The following RAB3GAP2 variants were observed in gnomAD, a reference collection of about 807,000 sequenced individuals.
RAB3GAP2 encodes the protein RAB3 GTPase activating non-catalytic protein subunit 2.
A neutral mutation model predicts 185.3 loss-of-function variants in RAB3GAP2; 87 were observed. The observed-to-expected ratio is 0.47, with a 90% confidence interval of 0.39 to 0.56. The LOEUF (loss-of-function observed/expected upper bound fraction) is 0.56, where lower values mean the gene tolerates loss of function less well. Ranked by LOEUF, RAB3GAP2 falls within the 20% of genes least tolerant of loss-of-function variation. The pLI, the probability that RAB3GAP2 is intolerant of heterozygous loss-of-function variation, is 0.00. For synonymous variants in RAB3GAP2, 554 were observed against 576.1 expected (o/e 0.96, Z 0.55); for missense variants, 1,492 against 1,638.2 (o/e 0.91, Z 1.54).
intron 3 of RAB3GAP2, 24 bp downstream of exon 3, chr1:220,213,832 C>A: frequency 6.2e-7 from 1 of 1,604,214 alleles, no homozygotes; most frequent in Non-Finnish European, 8.5e-7. Context: ...AAATAAAGGT[C>A]GCTGAAAATA....
rs1163114052 is a variant in RAB3GAP2, at chr1:220,193,244, C to G, written c.1266G>C (p.Trp422Cys). ...CTGGATTTTTGTAAGAAGTACCTTT[C>G]CACATGCGTATTGCAATTCCTCTAG... is the stretch of plus-strand genomic sequence containing the variant. The part of the protein sequence containing the change: ...DVARGIAIRM[W>C]KGYRDAQIGW... The change falls in exon 13 of 35, where the codon TGG (tryptophan) becomes TGC (cysteine). Residue 422 changes from tryptophan to cysteine, a missense_variant. Around this residue, in one of 5 missense-constraint regions of RAB3GAP2, gnomAD observed 681 missense variants for 689.1 expected, o/e 0.99. Coordinates refer to ENST00000358951, the MANE Select transcript of RAB3GAP2 (RefSeq NM_012414.4). 1.9e-6 allele frequency: 3 copies of G among 1,613,936 alleles called. No individual in the cohort carries two copies. Among genetic ancestry groups the G allele is most frequent in the Non-Finnish European group, 2.5e-6 (3 of 1,179,910 alleles).
At position 220,157,283 on chromosome 1, in the gene RAB3GAP2, A is replaced by T. The variant is rs141652342; in HGVS notation, c.3542T>A (p.Leu1181His). 6.2e-7 allele frequency: 1 copy of T among 1,613,840 alleles called. No homozygotes were observed. Among genetic ancestry groups the T allele is most frequent in the Non-Finnish European group, 8.5e-7 (1 of 1,179,802 alleles). The change falls in exon 31 of 35, where the codon CTT becomes CAT. Residue 1181 changes from leucine to histidine, a missense_variant. This residue lies in a region of RAB3GAP2 where 387 missense variants were observed against 455.3 expected (regional missense o/e 0.85). Transcript: ENST00000358951. ...TGAGGTACTTACCTTACTGTCAAAA[A>T]GTGAAAGTGGCTTCACGGTCTTCAG... ...FSLKTVKPLS[L>H]FDSKGKNAFF...
chr1:220,251,098 G>A (rs1255889677), intron 1 of RAB3GAP2, among the ~76,000 whole-genome samples: 1 of 152,172 alleles, frequency 6.6e-6, no homozygotes, highest in Non-Finnish European at 1.5e-5. Context: ...AAGTATTTCT[G>A]ACTAGTTAAC....
chr1:220,228,884 T>C (rs1659450525), intron 2 of RAB3GAP2, among the ~76,000 whole-genome samples: 1 of 152,224 alleles, frequency 6.6e-6, no homozygotes, highest in Admixed American at 6.5e-5. Context: ...TTAGGGCCAT[T>C]TGTAAATATT....
intron 2 of RAB3GAP2, among the ~76,000 whole-genome samples, chr1:220,221,940 A>G (rs1659313763): frequency 6.6e-6 from 1 of 152,212 alleles, no homozygotes; most frequent in African/African-American, 2.4e-5. Flanking sequence ...CAAAGCTTTC[A>G]ACTTTAGTAC....
At chr1:220,154,175 G>A (rs928757367) in intron 31 of RAB3GAP2, 118 bp from the exon 32 acceptor site, 3 of 1,398,622 alleles carry the variant, frequency 2.1e-6, no homozygotes, top group Non-Finnish European at 2.9e-6. Context: ...TCCTTGAACA[G>A]TAAGATTTTA....
chr1:220,155,607 G>C (rs1384868825), intron 31 of RAB3GAP2, among the ~76,000 whole-genome samples: 1 of 152,170 alleles, frequency 6.6e-6, no homozygotes, highest in Non-Finnish European at 1.5e-5. Context: ...ACAACCATGA[G>C]GCTGGCACTG....
At chr1:220,186,316 G>A (rs1349849457) in intron 17 of RAB3GAP2, among the ~76,000 whole-genome samples, 1 of 151,982 alleles carries the variant, frequency 6.6e-6, no homozygotes, top group Admixed American at 6.6e-5. Flanking sequence ...AGAAGTTAAA[G>A]GTCATATTTA....
rs796554710 is a variant in RAB3GAP2, at chr1:220,201,658, C to G, written c.811+618G>C. Among the ~76,000 whole-genome samples, 4 of 152,022 alleles carry G rather than the reference C, an allele frequency of 2.6e-5. No homozygotes were observed. In the South Asian group the frequency reaches 8.3e-4, roughly 32 times the overall value. ...GGGAATACAGGTGTGCACCACCACACCTGGCTAATTTTTGTATTTTTAGTA... is the reference window on the plus strand; with the variant it reads ...GGGAATACAGGTGTGCACCACCACAGCTGGCTAATTTTTGTATTTTTAGTA... On this transcript the variant is annotated intron_variant, in intron 9 of 34. Coordinates refer to ENST00000358951, the MANE Select transcript of RAB3GAP2 (RefSeq NM_012414.4).
At chr1:220,184,552 T>C (rs1312089393) in intron 18 of RAB3GAP2, among the ~76,000 whole-genome samples, 1 of 152,136 alleles carries the variant, frequency 6.6e-6, no homozygotes, top group Non-Finnish European at 1.5e-5. Flanking sequence ...GAGACACTGA[T>C]AATCCCCTCA....
chr1:220,166,594 C>A lies in RAB3GAP2; in HGVS notation c.3087+699G>T, dbSNP rs1414260944. On this transcript the variant is annotated intron_variant, in intron 26 of 34. Transcript: ENST00000358951. ...AATTCAGCTGGGATCCAAATCACTGCCTTCTGCCTCCAGGCTTGGGGTCTT... is the reference window on the plus strand; with the variant it reads ...AATTCAGCTGGGATCCAAATCACTGACTTCTGCCTCCAGGCTTGGGGTCTT... 2.0e-5 allele frequency among the ~76,000 whole-genome samples: 3 copies of A among 152,226 alleles called. No homozygotes were observed. The East Asian group carries it at 5.8e-4, about 29-fold the overall frequency.
At chr1:220,190,683 C>G (rs1371963108) in intron 14 of RAB3GAP2, among the ~76,000 whole-genome samples, 163 bp from the exon 15 acceptor site, 1 of 152,138 alleles carries the variant, frequency 6.6e-6, no homozygotes, top group Non-Finnish European at 1.5e-5. Context: ...AGGGCTCAAC[C>G]AGCAGAGTTC....
intron 29 of RAB3GAP2, 92 bp downstream of exon 29, chr1:220,159,294 T>C: frequency 2.8e-6 from 3 of 1,085,090 alleles, no homozygotes; most frequent in Non-Finnish European, 4.2e-6. Flanking sequence ...ATCACAATGA[T>C]AAAAGGCAAA....
intron 1 of RAB3GAP2, among the ~76,000 whole-genome samples, chr1:220,270,380 C>T (rs1332138367): frequency 6.6e-6 from 1 of 152,242 alleles, no homozygotes; most frequent in Non-Finnish European, 1.5e-5. Context: ...CAATTAACAT[C>T]TCTGGCCCAG....
chr1:220,200,653 T>C (rs781161715), intron 9 of RAB3GAP2: 7 of 522,686 alleles, frequency 1.3e-5, no homozygotes, highest in Admixed American at 1.2e-4. Flanking sequence ...GAAGCTACCC[T>C]GAACTGAACT....
chr1:220,207,257 T>C (rs1400085281), intron 7 of RAB3GAP2, among the ~76,000 whole-genome samples: 1 of 152,228 alleles, frequency 6.6e-6, no homozygotes, highest in African/African-American at 2.4e-5. Flanking sequence ...TTCATTCTCA[T>C]ATATATTAAG....
chr1:220,214,436 G>T (rs1659145614), intron 2 of RAB3GAP2, among the ~76,000 whole-genome samples: 1 of 151,876 alleles, frequency 6.6e-6, no homozygotes, highest in African/African-American at 2.4e-5. Context: ...TGAGGCAGGA[G>T]AATCACTTGA....
Position 220,184,698 on chromosome 1 carries a change from AT to A in RAB3GAP2, c.1871-536del, listed in dbSNP as rs538799024. 1.4e-3 allele frequency among the ~76,000 whole-genome samples: 209 copies of A among 152,228 alleles called. 1 individual carries two copies. Among genetic ancestry groups the A allele is most frequent in the African/African-American group, 4.8e-3 (198 of 41,562 alleles). On this transcript the variant is annotated intron_variant, in intron 18 of 34. Transcript: ENST00000358951. ...AACTTGAAACTGATGATTTTATGGA[AT>A]TCCAACAATGGTGTTTGGTTTACTA...
chr1:220,182,053 A>G (rs1271298396), intron 21 of RAB3GAP2, among the ~76,000 whole-genome samples: 1 of 150,014 alleles, frequency 6.7e-6, no homozygotes, highest in Non-Finnish European at 1.5e-5. Context: ...GTAAAAGAAA[A>G]AAAAAATTAC....
Sources: gnomAD v4.1 joint callset for allele counts (sites outside exome capture counted in the v4.1 genomes callset) on GRCh38, gnomAD v4.1.1 for gene constraint, gnomAD v4.1.1 regional missense constraint, MANE v1.5 for transcripts, NCBI Gene and HGNC (gene_info 2026-07-23, HGNC 2026-07-21) for gene names.